DLG1: variants seen among roughly 807,000 people sequenced by gnomAD.
DLG1 encodes the protein discs large MAGUK scaffold protein 1, also known as disks large homolog 1.
In DLG1, 42 loss-of-function variants were observed where a neutral mutation model predicts 123.4. The ratio of observed to expected loss-of-function variants is 0.34; its 90% CI spans 0.27 to 0.44. The LOEUF (loss-of-function observed/expected upper bound fraction) is 0.44. Among genes scored for constraint, DLG1 ranks in the 20% least tolerant of loss-of-function variants. The probability of loss-of-function intolerance (pLI) is 1.00; values close to 1 mark genes in which losing one functional copy is unlikely to be tolerated. For missense variants in DLG1, 942 were observed against 1,082.6 expected (o/e 0.87, Z 1.82); for synonymous variants, 317 against 356.2 (o/e 0.89, Z 1.24).
intron 13 of DLG1, among the ~76,000 whole-genome samples, chr3:197,105,527 C>G (rs557627789): frequency 1.3e-5 from 2 of 152,260 alleles, no homozygotes; most frequent in South Asian, 2.1e-4. Context: ...GCTCAGATTT[C>G]AAGGACTGAT....
At chr3:197,123,755 C>T (rs1191721714) in intron 11 of DLG1, among the ~76,000 whole-genome samples, 1 of 152,108 alleles carries the variant, frequency 6.6e-6, no homozygotes, top group Non-Finnish European at 1.5e-5. Flanking sequence ...CTGCTTATGT[C>T]TGACAAGGAT....
At chr3:197,089,807 A>G (rs1362940546) in intron 15 of DLG1, among the ~76,000 whole-genome samples, 1 of 152,200 alleles carries the variant, frequency 6.6e-6, no homozygotes, top group African/African-American at 2.4e-5. Context: ...ACTTTTAATG[A>G]CTTTGGAACA....
chr3:197,181,425 T>C (rs1415934867), intron 5 of DLG1, among the ~76,000 whole-genome samples: 1 of 152,144 alleles, frequency 6.6e-6, no homozygotes, highest in Admixed American at 6.5e-5. Flanking sequence ...AGGTATATAT[T>C]ATATGCTCTA....
chr3:197,132,678 T>G (rs970564208), intron 10 of DLG1, among the ~76,000 whole-genome samples: 1 of 47,780 alleles, frequency 2.1e-5, no homozygotes, highest in African/African-American at 8.9e-5. Flanking sequence ...AAATACACAT[T>G]AAATAGCTGT....
At chr3:197,190,622 A>T (rs916926350) in intron 5 of DLG1, among the ~76,000 whole-genome samples, 2 of 152,184 alleles carry the variant, frequency 1.3e-5, no homozygotes, top group African/African-American at 4.8e-5. Context: ...GAGAACTTGT[A>T]AACCTCCCAA....
At chr3:197,134,026 A>C (rs1783918049) in intron 10 of DLG1, among the ~76,000 whole-genome samples, 1 of 152,234 alleles carries the variant, frequency 6.6e-6, no homozygotes, top group Non-Finnish European at 1.5e-5. Context: ...TAGAGAAACC[A>C]TAAAGGAAAA....
At chr3:197,269,134 A>T (rs1182391162) in intron 4 of DLG1, among the ~76,000 whole-genome samples, 1 of 152,254 alleles carries the variant, frequency 6.6e-6, no homozygotes, top group Non-Finnish European at 1.5e-5. Flanking sequence ...CTAAAAGTAC[A>T]GTAGATAAAC....
intron 13 of DLG1, among the ~76,000 whole-genome samples, chr3:197,109,635 C>G (rs1024263041): frequency 6.6e-6 from 1 of 152,106 alleles, no homozygotes; most frequent in Non-Finnish European, 1.5e-5. Context: ...TCTCTAGTTT[C>G]CTTTCATTTT....
chr3:197,048,308 T>C (rs1165161384), intron 24 of DLG1, among the ~76,000 whole-genome samples: 2 of 152,106 alleles, frequency 1.3e-5, no homozygotes, highest in Non-Finnish European at 2.9e-5. Context: ...CTGTCTCTAC[T>C]AAAAATACAA....
intron 4 of DLG1, among the ~76,000 whole-genome samples, chr3:197,209,203 G>A (rs1730117939): frequency 6.8e-6 from 1 of 146,150 alleles, no homozygotes; most frequent in Non-Finnish European, 1.5e-5. Flanking sequence ...TGAATGAAAA[G>A]AAAAGGTATA....
intron 4 of DLG1, among the ~76,000 whole-genome samples, chr3:197,265,008 A>G (rs1166220546): frequency 6.6e-6 from 1 of 152,168 alleles, no homozygotes; most frequent in African/African-American, 2.4e-5. Flanking sequence ...TAATACTTAC[A>G]GGTTTTAAGG....
At chr3:197,113,754 A>C (rs1771455865) in intron 13 of DLG1, among the ~76,000 whole-genome samples, 1 of 152,194 alleles carries the variant, frequency 6.6e-6, no homozygotes, top group East Asian at 1.9e-4. Context: ...AAGCTGCTAT[A>C]GTTTCAGATT....
chr3:197,061,823 A>G (rs1489281822), intron 22 of DLG1, among the ~76,000 whole-genome samples: 1 of 152,088 alleles, frequency 6.6e-6, no homozygotes, highest in Non-Finnish European at 1.5e-5. Flanking sequence ...TCACTTGTTT[A>G]AGGTTTTATC....
intron 4 of DLG1, among the ~76,000 whole-genome samples, chr3:197,272,666 A>G (rs1764412181): frequency 6.6e-6 from 1 of 152,260 alleles, no homozygotes; most frequent in Admixed American, 6.5e-5. Flanking sequence ...ATATCATACA[A>G]CAGTAAGGAT....
chr3:197,297,696 G>C (rs1390722160), intron 1 of DLG1: 15 of 988,936 alleles, frequency 1.5e-5, no homozygotes, highest in Non-Finnish European at 1.8e-5. Flanking sequence ...CGCTGCCTCC[G>C]GGCTGCTCCA....
intron 4 of DLG1, among the ~76,000 whole-genome samples, chr3:197,261,435 C>T (rs555274513): frequency 3.3e-5 from 5 of 152,308 alleles, no homozygotes; most frequent in African/African-American, 1.2e-4. Flanking sequence ...GGGTGAGATC[C>T]TGTCTGTAAA....
intron 4 of DLG1, among the ~76,000 whole-genome samples, chr3:197,203,394 TAG>T (rs940336645): frequency 6.6e-6 from 1 of 152,172 alleles, no homozygotes; most frequent in African/African-American, 2.4e-5. Context: ...ATTCGAAAAC[TAG>T]GTTTTCTGAA....
intron 5 of DLG1, among the ~76,000 whole-genome samples, chr3:197,158,727 C>G (rs986800210): frequency 1.3e-5 from 2 of 149,364 alleles, no homozygotes; most frequent in Admixed American, 6.7e-5. Flanking sequence ...TATGCGGGAG[C>G]TATTTGTTAA....
chr3:197,215,648 T>C (rs1733770985), intron 4 of DLG1, among the ~76,000 whole-genome samples: 1 of 152,136 alleles, frequency 6.6e-6, no homozygotes, highest in Non-Finnish European at 1.5e-5. Context: ...TATCCTAATG[T>C]GCTGAACCAA....
Sources: gnomAD v4.1 joint callset for allele counts (sites outside exome capture counted in the v4.1 genomes callset) on GRCh38, gnomAD v4.1.1 for gene constraint, MANE v1.5 for transcripts, NCBI Gene and HGNC (gene_info 2026-07-23, HGNC 2026-07-21) for gene names.